ZNF14: variants seen among roughly 807,000 people sequenced by gnomAD.
The protein encoded by ZNF14 is zinc finger protein 14.
Under a neutral mutation model 11.3 loss-of-function variants are expected in ZNF14, and 9 were observed. The ratio of observed to expected loss-of-function variants is 0.80; its 90% CI spans 0.48 to 1.39. The LOEUF (loss-of-function observed/expected upper bound fraction) is 1.39. ZNF14 is among the 40% of genes most tolerant of loss of function. ZNF14 has a pLI of 0.00. For missense variants in ZNF14, 711 were observed against 763.9 expected (o/e 0.93, Z 0.82); for synonymous variants, 239 against 245.7 (o/e 0.97, Z 0.25).
In ZNF14 at chr19:19,720,990, C is replaced by T. The variant is rs1253654650; in HGVS notation, c.4-6503G>A. ...TTGATTTTTTTGAGACAGAGTCTTGCTCTGTCACTCAGGTTGGAGCGCAGT... is the reference window on the plus strand; with the variant it reads ...TTGATTTTTTTGAGACAGAGTCTTGTTCTGTCACTCAGGTTGGAGCGCAGT... On this transcript the variant is annotated intron_variant, in intron 1 of 3. Coordinates refer to ENST00000344099, the MANE Select transcript of ZNF14 (RefSeq NM_021030.3). This position sits in a 1 kb window ranked among gnomAD's most constrained non-coding sequence, Gnocchi z 4.1. Among the ~76,000 whole-genome samples the T allele has an allele frequency of 2.6e-5, 4 of 152,198 alleles. No individual in the cohort carries two copies. The highest frequency in any genetic ancestry group is 6.5e-5 in the Admixed American group (1 of 15,276).
rs142449277 is a variant in ZNF14 at position 19,712,693 on chromosome 19, G to A, written c.588C>T (p.Pro196=). The stretch of plus-strand genomic sequence containing the variant: ...TTTTTCCACATTGCTTACATTCATA[G>A]GGTTTCTGTCCAGCATGAGTCCTTT... ...RHERTHAGQK[P]YECKQCGKTF... Residue 196 remains proline (P), a synonymous_variant, in exon 4 of 4, where the codon CCC becomes CCT. Coordinates refer to ENST00000344099, the MANE Select transcript of ZNF14 (RefSeq NM_021030.3). 50 of 1,613,768 alleles carry A rather than the reference G, an allele frequency of 3.1e-5. No individual in the cohort carries two copies. The African/African-American group carries it at 4.9e-4, about 16-fold the overall frequency.
intron 1 of ZNF14, among the ~76,000 whole-genome samples, chr19:19,723,018 T>C (rs2062397201): frequency 6.6e-6 from 1 of 152,162 alleles, no homozygotes; most frequent in South Asian, 2.1e-4. Flanking sequence ...ACATAAAATC[T>C]GCAAACAGGG....
At chr19:19,719,523 G>C (rs544343585) in intron 1 of ZNF14, among the ~76,000 whole-genome samples, 1 of 152,140 alleles carries the variant, frequency 6.6e-6, no homozygotes, top group Non-Finnish European at 1.5e-5. Context: ...TTTACAAGAG[G>C]ACTTGGGTTA....
rs181738700 is a variant in ZNF14 at position 19,721,890 on chromosome 19, G to A, written c.4-7403C>T. Among the ~76,000 whole-genome samples, 324 of 151,474 alleles carry A rather than the reference G, an allele frequency of 2.1e-3. 1 individual carries two copies. Among genetic ancestry groups the A allele is most frequent in the Middle Eastern group, 6.8e-3 (2 of 292 alleles). ...AGGCAGGAGAATTGCTTGAACCCAG[G>A]AGGCAGAGTATGCAGTGAGCCAACA... On this transcript the variant is annotated intron_variant, in intron 1 of 3. Transcript: ENST00000344099.
At chr19:19,721,690 G>A (rs894023878) in intron 1 of ZNF14, among the ~76,000 whole-genome samples, 1 of 152,148 alleles carries the variant, frequency 6.6e-6, no homozygotes, top group Non-Finnish European at 1.5e-5. Flanking sequence ...GGCTTGGTGT[G>A]GTGGCTCATG....
At position 19,712,265 on chromosome 19, in the gene ZNF14, T is replaced by C. The variant is rs1324851879; in HGVS notation, c.1016A>G (p.Glu339Gly). ...AGAAGAGTTGAAGGCTTTCCCACAT[T>C]CTTTACATTTATAAGGTCGAGCCCC... ...HTGARPYKCK[E>G]CGKAFNSSNS... Residue 339 changes from glutamate (E) to glycine (G), a missense_variant, in exon 4 of 4, where the codon GAA becomes GGA. Coordinates refer to ENST00000344099, the MANE Select transcript of ZNF14 (RefSeq NM_021030.3). The C allele has an allele frequency of 1.1e-5, 17 of 1,613,854 alleles. No individual in the cohort carries two copies. Among genetic ancestry groups the C allele is most frequent in the Non-Finnish European group, 1.4e-5 (17 of 1,179,938 alleles).
Position 19,720,196 on chromosome 19 carries a change from A to T in ZNF14, c.4-5709T>A, listed in dbSNP as rs1379475386. 6.6e-6 allele frequency among the ~76,000 whole-genome samples: 1 copy of T among 152,214 alleles called. No individual in the cohort carries two copies. Among genetic ancestry groups the T allele is most frequent in the African/African-American group, 2.4e-5 (1 of 41,454 alleles). ...CAGCAGGCAGAAAATGAGGAAGGAC[A>T]TTGTTGAACTGAACAGTACCATCAA... On this transcript the variant is annotated intron_variant, in intron 1 of 3. Coordinates refer to ENST00000344099, the MANE Select transcript of ZNF14 (RefSeq NM_021030.3). The surrounding 1 kb of genome is among the most constrained non-coding windows in gnomAD (Gnocchi z 4.1).
At position 19,712,449 on chromosome 19, in the gene ZNF14, G is replaced by A. The variant is rs766396669; in HGVS notation, c.832C>T (p.Pro278Ser). The change falls in exon 4 of 4, where the codon CCC becomes TCC. Residue 278 changes from proline (P) to serine (S), a missense_variant. Transcript: ENST00000344099. ...TTACCACATTCTTTACATTTGTAGG[G>A]TTTTTCTCCAGTGTGAGTTCTTTCA... ...THERTHTGEK[P>S]YKCKECGKAF... The A allele has an allele frequency of 3.2e-6, 5 of 1,559,140 alleles. No homozygotes were observed. The South Asian group carries it at 5.8e-5, about 18-fold the overall frequency.
At position 19,714,134 on chromosome 19, in the gene ZNF14, G is replaced by C. The variant is rs771643340; in HGVS notation, c.148C>G (p.Gln50Glu). The change falls in exon 3 of 4, where the codon CAG (glutamine) becomes GAG (glutamate). Residue 50 changes from glutamine to glutamate, a missense_variant. Transcript: ENST00000344099. ...TTTCTGTGGTCATCTTCAATGTCCTGGTCTTCCCACTTTTTTCCTAAAATG... is the reference window on the plus strand; with the variant it reads ...TTTCTGTGGTCATCTTCAATGTCCTCGTCTTCCCACTTTTTTCCTAAAATG... ...LVCLGKKWED[Q>E]DIEDDHRNQG... 2 of 1,612,854 alleles carry C rather than the reference G, an allele frequency of 1.2e-6. No homozygotes were observed. The highest frequency in any genetic ancestry group is 4.5e-5 in the East Asian group (2 of 44,856).
chr19:19,714,280 T>C, intron 2 of ZNF14, 81 bp downstream of exon 2: 1 of 1,602,262 alleles, frequency 6.2e-7, no homozygotes, highest in Admixed American at 1.7e-5. Context: ...ACATTTCAAA[T>C]CTTGGAACAC....
In ZNF14 at chr19:19,720,237, G is replaced by A. The variant is rs1350810062; in HGVS notation, c.4-5750C>T. Among the ~76,000 whole-genome samples, 1 of 152,102 alleles carries A rather than the reference G, an allele frequency of 6.6e-6. No individual in the cohort carries two copies. The highest frequency in any genetic ancestry group is 2.1e-4 in the South Asian group (1 of 4,824). On this transcript the variant is annotated intron_variant, in intron 1 of 3. Transcript: ENST00000344099. This position sits in a 1 kb window ranked among gnomAD's most constrained non-coding sequence, Gnocchi z 4.1. Reference sequence around the variant, plus strand: ...GTACCATCAAACAACTGGACTGAACGGAAAATCAAAACACTTAGACCAGCA... The same window carrying A: ...GTACCATCAAACAACTGGACTGAACAGAAAATCAAAACACTTAGACCAGCA...
At chr19:19,717,441 T>C (rs931239104) in intron 1 of ZNF14, among the ~76,000 whole-genome samples, 4 of 152,108 alleles carry the variant, frequency 2.6e-5, no homozygotes, top group African/African-American at 7.2e-5. Context: ...TTTATGAAGG[T>C]CCCAACACAC....
At position 19,714,498 on chromosome 19, in the gene ZNF14, C is replaced by CCA. The variant is rs759219275; in HGVS notation, c.4-13_4-12dup. On this transcript the variant is annotated splice_polypyrimidine_tract_variant and intron_variant, in intron 1 of 3. Transcript: ENST00000344099. ...AAAGGAGACTGAGTCCTGAAACATTCCACATATGTTTACAGAGGATGGGTA... is the reference window on the plus strand; with the variant it reads ...AAAGGAGACTGAGTCCTGAAACATTCCACACATATGTTTACAGAGGATGGGTA... 7 of 1,609,334 alleles carry CCA rather than the reference C, an allele frequency of 4.3e-6. No homozygotes were observed. The highest frequency in any genetic ancestry group is 1.3e-5 in the African/African-American group (1 of 74,634).
Position 19,711,990 on chromosome 19 carries a change from A to G in ZNF14, c.1291T>C (p.Ser431Pro). ...CKQCGKTFSF[S>P]SSLQRHERTH... The stretch of plus-strand genomic sequence containing the variant: ...CTTTCATGTCTTTGAAGGGAACTTG[A>G]AAAACTGAAGGTTTTACCACATTGT... Residue 431 changes from serine to proline, a missense_variant, in exon 4 of 4, where the codon TCA (serine) becomes CCA (proline). Transcript: ENST00000344099. 2 of 1,613,946 alleles carry G rather than the reference A, an allele frequency of 1.2e-6. No homozygotes were observed. The highest frequency in any genetic ancestry group is 1.7e-6 in the Non-Finnish European group (2 of 1,179,980).
In ZNF14 at chr19:19,711,171, AC is replaced by A; in HGVS notation, c.*180del. The A allele has an allele frequency of 3.5e-6, 2 of 568,392 alleles. No individual in the cohort carries two copies. The highest frequency in any genetic ancestry group is 5.7e-6 in the Non-Finnish European group (2 of 351,882). 35.2% of individuals were successfully genotyped at this position (568,392 alleles called of 1,614,324 possible). On this transcript the variant is annotated 3_prime_UTR_variant, in exon 4 of 4. Transcript: ENST00000344099. ...AATTAGGTCAACTGAAGGCTTAATC[AC>A]AATGTTTACATTCATACTGTTTCTC...
intron 1 of ZNF14, among the ~76,000 whole-genome samples, chr19:19,714,713 C>CTTTTCTTTT (rs1555761423): frequency 8.1e-6 from 1 of 122,850 alleles, no homozygotes; most frequent in African/African-American, 3.0e-5. Flanking sequence ...TTTTCTTTTT[C>CTTTTCTTTT]TTTTTTTTTT....
chr19:19,733,082 C>A lies in ZNF14; in HGVS notation c.-124G>T. ...TCAGGAGCAGGTGAAACGCAATCTTCCCATGGGCCAGGAATGGCGACGTCC... is the reference window on the plus strand; with the variant it reads ...TCAGGAGCAGGTGAAACGCAATCTTACCATGGGCCAGGAATGGCGACGTCC... On this transcript the variant is annotated 5_prime_UTR_variant, in exon 1 of 4. Coordinates refer to ENST00000344099, the MANE Select transcript of ZNF14 (RefSeq NM_021030.3). The A allele has an allele frequency of 3.1e-6, 4 of 1,289,058 alleles. No homozygotes were observed. The highest frequency in any genetic ancestry group is 4.3e-6 in the Non-Finnish European group (4 of 925,336). The allele number at this position is 1,289,058 out of a possible 1,614,324, so 79.9% of individuals were successfully genotyped here. A position where few individuals can be genotyped will look rare whatever the true frequency, so the allele number is the denominator to read the frequency against.
At chr19:19,718,952 G>C (rs2062385073) in intron 1 of ZNF14, among the ~76,000 whole-genome samples, 1 of 152,094 alleles carries the variant, frequency 6.6e-6, no homozygotes, top group African/African-American at 2.4e-5. Context: ...TTTCAGTAGA[G>C]ATGGGGTTTT....
intron 1 of ZNF14, among the ~76,000 whole-genome samples, chr19:19,717,040 C>T (rs2062379851): frequency 6.6e-6 from 1 of 152,068 alleles, no homozygotes; most frequent in Admixed American, 6.6e-5. Context: ...CGACTGTGCC[C>T]TAAAATTTAA....
Sources: allele counts gnomAD v4.1 joint callset (sites outside exome capture counted in the v4.1 genomes callset), GRCh38; gene constraint gnomAD v4.1.1; non-coding constraint Gnocchi (gnomAD v3.1); transcripts MANE v1.5; gene names NCBI Gene and HGNC (gene_info 2026-07-23, HGNC 2026-07-21).